Variants in RPS6KA2 observed in about 807,000 individuals in gnomAD.
The protein encoded by RPS6KA2 is ribosomal protein S6 kinase A2.
RPS6KA2 carries 42 observed loss-of-function variants against 91.8 expected under a neutral mutation model. That is an observed-to-expected ratio of 0.46 (90% CI 0.36 to 0.59). RPS6KA2 has a LOEUF of 0.59. Ranked by LOEUF, RPS6KA2 falls within the 20% of genes least tolerant of loss-of-function variation. The probability of loss-of-function intolerance (pLI) is 0.00; values close to 1 mark genes in which losing one functional copy is unlikely to be tolerated. For missense variants in RPS6KA2, 798 were observed against 978.5 expected (o/e 0.82, Z 2.46); for synonymous variants, 414 against 393.6 (o/e 1.05, Z -0.61).
At chr6:166,815,143 T>C (rs1190820713) in intron 2 of RPS6KA2, among the ~76,000 whole-genome samples, 1 of 152,242 alleles carries the variant, frequency 6.6e-6, no homozygotes, top group African/African-American at 2.4e-5. Context: ...GTCTTCTAAA[T>C]GACCGATTAA....
upstream of RPS6KA2, among the ~76,000 whole-genome samples, chr6:166,630,933 G>T (rs986544635): frequency 5.3e-5 from 8 of 152,218 alleles, no homozygotes; most frequent in Non-Finnish European, 8.8e-5. Flanking sequence ...GTGGGGGCAC[G>T]TTCGGAGCAG....
chr6:166,636,282 A>G (rs1204059089), intron 2 of RPS6KA2, among the ~76,000 whole-genome samples: 1 of 149,246 alleles, frequency 6.7e-6, no homozygotes, highest in African/African-American at 2.5e-5. Flanking sequence ...TTGAATCAGT[A>G]CCTCCCTGCA....
In RPS6KA2 at chr6:166,849,805, C is replaced by T. The variant is rs967989209; in HGVS notation, c.123+8395G>A. Among the ~76,000 whole-genome samples the T allele has an allele frequency of 2.0e-5, 3 of 152,214 alleles. No individual in the cohort carries two copies. The highest frequency in any genetic ancestry group is 2.1e-4 in the South Asian group (1 of 4,834). ...CGTTTCCTCAAGCTGACTGAATTCT[C>T]GCCTTCGCTTTCTTTGGAAATGGTT... On this transcript the variant is annotated intron_variant, in intron 2 of 21. Transcript: ENST00000503859. This position sits in a 1 kb window ranked among gnomAD's most constrained non-coding sequence, Gnocchi z 4.9.
At chr6:166,716,852 T>C (rs1458368836) in intron 2 of RPS6KA2, among the ~76,000 whole-genome samples, 1 of 151,962 alleles carries the variant, frequency 6.6e-6, no homozygotes, top group Non-Finnish European at 1.5e-5. Context: ...TGACTAAATT[T>C]AAAACTTTCG....
At chr6:166,444,856 C>A (rs546316713) in intron 14 of RPS6KA2, among the ~76,000 whole-genome samples, 81 of 152,268 alleles carry the variant, frequency 5.3e-4, no homozygotes, top group African/African-American at 1.9e-3. Context: ...AATTTTAGGA[C>A]CGATTCTAGC....
At position 166,495,524 on chromosome 6, in the gene RPS6KA2, G is replaced by A. The variant is rs1463360162; in HGVS notation, c.747+2984C>T. On this transcript the variant is annotated intron_variant, in intron 8 of 20. Coordinates refer to ENST00000265678, the MANE Select transcript of RPS6KA2 (RefSeq NM_021135.6). This position sits in a 1 kb window ranked among gnomAD's most constrained non-coding sequence, Gnocchi z 4.4. ...CTTCTTCACACTCCAGGGACAGGGA[G>A]GGTGGGGACTCCAGGATGGGTGAAG... Among the ~76,000 whole-genome samples, 1 of 152,168 alleles carries A rather than the reference G, an allele frequency of 6.6e-6. No individual in the cohort carries two copies. Among genetic ancestry groups the A allele is most frequent in the African/African-American group, 2.4e-5 (1 of 41,422 alleles).
At chr6:166,704,080 C>T (rs1216593008) in intron 2 of RPS6KA2, among the ~76,000 whole-genome samples, 4 of 152,186 alleles carry the variant, frequency 2.6e-5, no homozygotes, top group African/African-American at 4.8e-5. Flanking sequence ...AACTTGACTT[C>T]GTATAACAGA....
intron 1 of RPS6KA2, among the ~76,000 whole-genome samples, chr6:166,598,074 A>G (rs1670213084): frequency 6.6e-6 from 1 of 152,236 alleles, no homozygotes; most frequent in African/African-American, 2.4e-5. Context: ...TTGATTTCAC[A>G]TGCTCCTGAT....
chr6:166,824,541 TGA>T (rs1324637069), intron 2 of RPS6KA2, among the ~76,000 whole-genome samples: 3 of 152,166 alleles, frequency 2.0e-5, no homozygotes, highest in East Asian at 1.9e-4. Flanking sequence ...CATGTGTGTG[TGA>T]GTGTGTCTAT....
intron 3 of RPS6KA2, among the ~76,000 whole-genome samples, chr6:166,526,700 G>A (rs2128490083): frequency 6.6e-6 from 1 of 152,150 alleles, no homozygotes; most frequent in South Asian, 2.1e-4. Flanking sequence ...CAAGCACATT[G>A]TTCCAAAATA....
At chr6:166,777,273 C>A (rs1297237211) in intron 2 of RPS6KA2, among the ~76,000 whole-genome samples, 1 of 152,176 alleles carries the variant, frequency 6.6e-6, no homozygotes, top group African/African-American at 2.4e-5. Flanking sequence ...AAATGCCAGG[C>A]CTGTGCCTTC....
At chr6:166,773,218 A>T (rs1463622075) in intron 2 of RPS6KA2, among the ~76,000 whole-genome samples, 1 of 152,052 alleles carries the variant, frequency 6.6e-6, no homozygotes, top group Non-Finnish European at 1.5e-5. Context: ...AGCATCTGTG[A>T]CTGTGCAGGT....
intron 2 of RPS6KA2, among the ~76,000 whole-genome samples, chr6:166,837,092 G>C (rs565939102): frequency 6.6e-6 from 1 of 152,176 alleles, no homozygotes; most frequent in Non-Finnish European, 1.5e-5. Context: ...TGCGTGCCCC[G>C]CCCGAGGAAG....
At chr6:166,431,360 G>A (rs908528457) in intron 15 of RPS6KA2, among the ~76,000 whole-genome samples, 1 of 152,216 alleles carries the variant, frequency 6.6e-6, no homozygotes, top group Non-Finnish European at 1.5e-5. Flanking sequence ...TAAAATGCAT[G>A]TTCTGGTCCT....
intron 2 of RPS6KA2, among the ~76,000 whole-genome samples, chr6:166,857,163 C>T (rs980457901): frequency 3.9e-5 from 6 of 152,194 alleles, no homozygotes; most frequent in East Asian, 1.9e-4. Flanking sequence ...TGAAACGTAG[C>T]GTTCAGCATC....
rs780305348 is a variant in RPS6KA2 at position 166,495,260 on chromosome 6, G to C, written c.747+3248C>G. Among the ~76,000 whole-genome samples the C allele has an allele frequency of 5.9e-5, 9 of 152,012 alleles. No individual in the cohort carries two copies. Among genetic ancestry groups the C allele is most frequent in the African/African-American group, 1.5e-4 (6 of 41,250 alleles). On this transcript the variant is annotated intron_variant, in intron 8 of 20. Transcript: ENST00000265678. This position sits in a 1 kb window ranked among gnomAD's most constrained non-coding sequence, Gnocchi z 4.4. ...GAAGATGGCCAGGCAGCCTTAGCTT[G>C]TGGTCACCACGGCAACAGCCAGCCC... is the stretch of plus-strand genomic sequence containing the variant.
chr6:166,789,740 C>G (rs978482338), intron 2 of RPS6KA2, among the ~76,000 whole-genome samples: 4 of 152,188 alleles, frequency 2.6e-5, no homozygotes, highest in African/African-American at 9.7e-5. Flanking sequence ...ACTCCTGATA[C>G]CCAGGCAAAC....
chr6:166,793,315 CA>C (rs1300068530), intron 2 of RPS6KA2, among the ~76,000 whole-genome samples: 2 of 143,740 alleles, frequency 1.4e-5, no homozygotes. Flanking sequence ...AGGACCTCTT[CA>C]AGGAGAACTA....
chr6:166,769,918 T>G (rs1218233822), intron 2 of RPS6KA2, among the ~76,000 whole-genome samples: 1 of 152,250 alleles, frequency 6.6e-6, no homozygotes, highest in Non-Finnish European at 1.5e-5. Context: ...GCTGTTCTCA[T>G]AAGACCTTTT....
Sources: gnomAD v4.1 joint callset for allele counts (sites outside exome capture counted in the v4.1 genomes callset) on GRCh38, gnomAD v4.1.1 for gene constraint, Gnocchi (gnomAD v3.1) non-coding constraint, MANE v1.5 for transcripts, NCBI Gene and HGNC (gene_info 2026-07-23, HGNC 2026-07-21) for gene names.